The following NRG1 variants were observed in gnomAD, a reference collection of about 807,000 sequenced individuals.
NRG1 encodes pro-neuregulin-1, membrane-bound isoform.
Under a neutral mutation model 63.8 loss-of-function variants are expected in NRG1, and 18 were observed. The ratio of observed to expected loss-of-function variants is 0.28; its 90% CI spans 0.19 to 0.42. The LOEUF (loss-of-function observed/expected upper bound fraction) is 0.42. NRG1 is among the 10% of genes least tolerant of loss of function. NRG1 has a pLI of 1.00. For missense variants in NRG1, 762 were observed against 814.7 expected (o/e 0.94, Z 0.79); for synonymous variants, 302 against 301.3 (o/e 1.00, Z -0.02).
intron 2 of NRG1, among the ~76,000 whole-genome samples, chr8:32,603,590 G>A (rs1009439882): frequency 3.3e-5 from 5 of 152,020 alleles, no homozygotes; most frequent in Non-Finnish European, 7.4e-5. Context: ...TGATTCTCCC[G>A]CCTTAGTCTC....
At chr8:31,823,333 C>A (rs997958728) in intron 1 of NRG1, among the ~76,000 whole-genome samples, 1 of 151,856 alleles carries the variant, frequency 6.6e-6, no homozygotes, top group African/African-American at 2.4e-5. Context: ...AACTTAAGCA[C>A]CCATAAGAAA....
At chr8:32,017,563 G>A (rs529525796) in intron 1 of NRG1, among the ~76,000 whole-genome samples, 1 of 152,282 alleles carries the variant, frequency 6.6e-6, no homozygotes, top group East Asian at 1.9e-4. Context: ...ACAGGCCCTG[G>A]GTTGTTTTAC....
chr8:32,504,706 G>A (rs886934007), intron 1 of NRG1, among the ~76,000 whole-genome samples: 7 of 152,024 alleles, frequency 4.6e-5, no homozygotes, highest in African/African-American at 1.4e-4. Flanking sequence ...ATATGAGCTG[G>A]CATTTTTGTC....
chr8:31,877,799 G>A (rs1405399405), intron 1 of NRG1, among the ~76,000 whole-genome samples: 3 of 152,046 alleles, frequency 2.0e-5, no homozygotes, highest in Non-Finnish European at 4.4e-5. Flanking sequence ...AGGTTGCTGG[G>A]TGCCCTGTGA....
At chr8:32,624,652 A>G (rs962993068) in intron 5 of NRG1, among the ~76,000 whole-genome samples, 2 of 152,204 alleles carry the variant, frequency 1.3e-5, no homozygotes, top group African/African-American at 4.8e-5. Context: ...AAGACTCATT[A>G]GTACCTATGA....
chr8:31,924,003 C>T (rs891889449), intron 1 of NRG1, among the ~76,000 whole-genome samples: 2 of 152,136 alleles, frequency 1.3e-5, no homozygotes, highest in African/African-American at 4.8e-5. Flanking sequence ...TGAATTATTA[C>T]ACTTAAGATA....
intron 1 of NRG1, among the ~76,000 whole-genome samples, chr8:32,470,092 T>C (rs888332120): frequency 4.0e-5 from 6 of 150,462 alleles, no homozygotes; most frequent in African/African-American, 1.5e-4. Flanking sequence ...AGATTGGTCT[T>C]GATCTCCTGA....
chr8:32,291,545 T>G (rs916485575), intron 1 of NRG1, among the ~76,000 whole-genome samples: 11 of 142,734 alleles, frequency 7.7e-5, no homozygotes, highest in Admixed American at 3.5e-4. Flanking sequence ...TTTTTTTTTT[T>G]TTTTTTTTTT....
intron 1 of NRG1, among the ~76,000 whole-genome samples, chr8:32,185,888 T>C (rs1015474027): frequency 1.3e-5 from 2 of 152,218 alleles, no homozygotes; most frequent in Admixed American, 1.3e-4. Context: ...TTTAATTGTA[T>C]GCCATCCTGG....
At chr8:31,695,397 T>G (rs977452104) in intron 1 of NRG1, among the ~76,000 whole-genome samples, 4 of 152,242 alleles carry the variant, frequency 2.6e-5, no homozygotes, top group Non-Finnish European at 5.9e-5. Flanking sequence ...CTCAAACTCC[T>G]GGCCTTAAGT....
At chr8:32,720,060 AT>A (rs1820241630) in intron 5 of NRG1, among the ~76,000 whole-genome samples, 1 of 151,912 alleles carries the variant, frequency 6.6e-6, no homozygotes, top group South Asian at 2.1e-4. Context: ...TTACCTTATG[AT>A]TTCTCTCTTT....
At chr8:31,878,931 C>T (rs780761863) in intron 1 of NRG1, among the ~76,000 whole-genome samples, 2 of 151,834 alleles carry the variant, frequency 1.3e-5, no homozygotes, top group African/African-American at 4.8e-5. Flanking sequence ...ATCCTGTTGG[C>T]GGAGCTTGCA....
intron 1 of NRG1, among the ~76,000 whole-genome samples, chr8:32,033,171 T>C (rs1250320318): frequency 6.7e-6 from 1 of 150,074 alleles, no homozygotes; most frequent in Non-Finnish European, 1.5e-5. Flanking sequence ...CTTGGCTCAC[T>C]GCAAGCTCCA....
At chr8:32,696,299 G>C in intron 5 of NRG1, among the ~76,000 whole-genome samples, 1 of 152,118 alleles carries the variant, frequency 6.6e-6, no homozygotes, top group East Asian at 1.9e-4. Flanking sequence ...AGTTCCCTTA[G>C]AGAGGGGAAA....
At chr8:31,768,887 C>T (rs1215030134) in intron 1 of NRG1, among the ~76,000 whole-genome samples, 1 of 152,192 alleles carries the variant, frequency 6.6e-6, no homozygotes, top group Non-Finnish European at 1.5e-5. Context: ...TTATCTTAAA[C>T]TCTGTTCCAC....
chr8:31,683,027 T>G (rs2131073750), intron 1 of NRG1, among the ~76,000 whole-genome samples: 3 of 152,254 alleles, frequency 2.0e-5, no homozygotes, highest in Middle Eastern at 6.8e-3. Flanking sequence ...TACCAGAGCA[T>G]TCTGTGTATT....
chr8:31,777,083 T>G (rs1819222526), intron 1 of NRG1, among the ~76,000 whole-genome samples: 1 of 152,144 alleles, frequency 6.6e-6, no homozygotes, highest in South Asian at 2.1e-4. Flanking sequence ...CCACTTTTGT[T>G]TCCTTTAATT....
At chr8:32,738,142 T>G (rs546000652) in intron 6 of NRG1, among the ~76,000 whole-genome samples, 1 of 152,158 alleles carries the variant, frequency 6.6e-6, no homozygotes, top group African/African-American at 2.4e-5. Context: ...ATGTGATCAG[T>G]GTGTCACAGA....
intron 1 of NRG1, among the ~76,000 whole-genome samples, chr8:32,109,451 C>A (rs1831711613): frequency 6.6e-6 from 1 of 152,106 alleles, no homozygotes; most frequent in Non-Finnish European, 1.5e-5. Flanking sequence ...AAATTCAGAC[C>A]CAGCATCACT....
Sources: allele counts gnomAD v4.1 joint callset (sites outside exome capture counted in the v4.1 genomes callset), GRCh38; gene constraint gnomAD v4.1.1; transcripts MANE v1.5; gene names NCBI Gene and HGNC (gene_info 2026-07-23, HGNC 2026-07-21).